SPINK4: variants seen among roughly 807,000 people sequenced by gnomAD.
SPINK4 encodes the protein serine peptidase inhibitor Kazal type 4, also known as serine protease inhibitor Kazal-type 4.
A neutral mutation model predicts 12.3 loss-of-function variants in SPINK4; 10 were observed. The observed-to-expected ratio is 0.81, with a 90% CI of 0.50 to 1.37. The LOEUF (loss-of-function observed/expected upper bound fraction) is 1.37. Among genes scored for constraint, SPINK4 ranks in the 40% most tolerant of loss-of-function variants. The pLI is 0.00. For missense variants in SPINK4, 91 were observed against 109.0 expected, an observed-to-expected ratio of 0.84 and a Z score of 0.73; for synonymous variants, 37 against 40.2, an observed-to-expected ratio of 0.92 and a Z score of 0.30.
At chr9:33,245,292 C>A (rs535371904) in intron 2 of SPINK4, 140 bp downstream of exon 2, 2 of 800,922 alleles carry the variant, frequency 2.5e-6, no homozygotes, top group Admixed American at 3.2e-5. Context: ...GGCCTCCTGG[C>A]CTGCACATTC....
At position 33,244,284 on chromosome 9, in the gene SPINK4, G is replaced by A. The variant is rs988597879; in HGVS notation, c.62-828G>A. Among the ~76,000 whole-genome samples, 8 of 152,210 alleles carry A rather than the reference G, an allele frequency of 5.3e-5. No individual in the cohort carries two copies. In the South Asian group the frequency reaches 1.2e-3, roughly 24 times the overall value. On this transcript the variant is annotated intron_variant, in intron 1 of 3. Coordinates refer to ENST00000379721, the MANE Select transcript of SPINK4 (RefSeq NM_014471.3). ...AGTCAGGCTCTGGACTGCAACAGAC[G>A]TGTGGGAAAATCCTACCTCTGCCTT...
At chr9:33,248,302 G>A (rs911282097) in intron 3 of SPINK4, 124 bp from the exon 4 acceptor site, 41 of 909,730 alleles carry the variant, frequency 4.5e-5, no homozygotes, top group Non-Finnish European at 6.9e-5. Context: ...GATCTGCCCT[G>A]TATCCATACA....
chr9:33,240,959 A>G (rs1160019535), intron 1 of SPINK4, among the ~76,000 whole-genome samples: 2 of 152,248 alleles, frequency 1.3e-5, no homozygotes, highest in Non-Finnish European at 2.9e-5. Flanking sequence ...AATGTATGTT[A>G]AACGGTATGT....
chr9:33,243,066 TTTTA>T (rs960616902), intron 1 of SPINK4, among the ~76,000 whole-genome samples: 2 of 151,340 alleles, frequency 1.3e-5, no homozygotes, highest in Non-Finnish European at 2.9e-5. Context: ...TTAAATTTAT[TTTTA>T]TTTATTTATT....
chr9:33,243,518 A>C (rs1039276401), intron 1 of SPINK4, among the ~76,000 whole-genome samples: 3 of 152,174 alleles, frequency 2.0e-5, no homozygotes, highest in Admixed American at 1.3e-4. Flanking sequence ...CTAGGATTTC[A>C]CATAAATGGA....
chr9:33,243,907 C>A (rs964966959), intron 1 of SPINK4, among the ~76,000 whole-genome samples: 2 of 152,192 alleles, frequency 1.3e-5, no homozygotes, highest in Non-Finnish European at 2.9e-5. Context: ...GGGAAACTCA[C>A]TACTTCTGGA....
intron 1 of SPINK4, among the ~76,000 whole-genome samples, chr9:33,241,187 T>C (rs1311115884): frequency 6.6e-6 from 1 of 151,520 alleles, no homozygotes; most frequent in African/African-American, 2.4e-5. Flanking sequence ...ATGCCTGGAG[T>C]GACTGAGGTA....
chr9:33,245,004 G>T, intron 1 of SPINK4, 108 bp from the exon 2 acceptor site: 1 of 1,027,322 alleles, frequency 9.7e-7, no homozygotes, highest in Non-Finnish European at 1.4e-6. Flanking sequence ...AGGAATTCCA[G>T]GTTGGGTAGT....
intron 2 of SPINK4, among the ~76,000 whole-genome samples, chr9:33,245,735 C>T (rs1198067809): frequency 1.3e-5 from 2 of 152,224 alleles, no homozygotes; most frequent in Non-Finnish European, 2.9e-5. Flanking sequence ...CATCCACAGC[C>T]TCAGCATCGT....
In SPINK4 at chr9:33,246,597, C is replaced by A. The variant is rs1405953564; in HGVS notation, c.103-19C>A. 1.2e-6 allele frequency: 2 copies of A among 1,606,052 alleles called. No homozygotes were observed. The highest frequency in any genetic ancestry group is 8.5e-7 in the Non-Finnish European group (1 of 1,173,128). On this transcript the variant is annotated intron_variant, in intron 2 of 3. Coordinates refer to ENST00000379721, the MANE Select transcript of SPINK4 (RefSeq NM_014471.3). ...TGCCTCTGAATCCCTGAGTCCTCTC[C>A]CTCCCTTCTCTTCCACAGCCCATCT...
At chr9:33,241,667 A>C (rs1402460585) in intron 1 of SPINK4, among the ~76,000 whole-genome samples, 1 of 141,788 alleles carries the variant, frequency 7.1e-6, no homozygotes. Flanking sequence ...GCTCTGAAGA[A>C]GTTTGGTTTT....
chr9:33,241,494 A>C (rs916252762), intron 1 of SPINK4, among the ~76,000 whole-genome samples: 5 of 152,088 alleles, frequency 3.3e-5, no homozygotes, highest in African/African-American at 9.7e-5. Flanking sequence ...AGGGCCACTG[A>C]CCTCATGGCC....
chr9:33,242,876 CTT>C (rs59110651), intron 1 of SPINK4, among the ~76,000 whole-genome samples: 13 of 139,206 alleles, frequency 9.3e-5, no homozygotes, highest in Admixed American at 1.4e-4. Context: ...TGCTCTGACA[CTT>C]TTTTTTTTTT....
intron 1 of SPINK4, 135 bp from the exon 2 acceptor site, chr9:33,244,977 C>A: frequency 1.3e-6 from 1 of 759,366 alleles, no homozygotes; most frequent in Non-Finnish European, 2.1e-6. Flanking sequence ...TGTCTGGTGG[C>A]TCATCACCTT....
intron 3 of SPINK4, chr9:33,248,216 A>G (rs1820305157): frequency 1.7e-6 from 1 of 575,068 alleles, no homozygotes; most frequent in South Asian, 2.2e-5. Flanking sequence ...TGGAAACCCC[A>G]GGAAGCTAAA....
intron 2 of SPINK4, 108 bp from the exon 3 acceptor site, chr9:33,246,508 C>G: frequency 2.4e-6 from 2 of 838,998 alleles, no homozygotes; most frequent in South Asian, 2.9e-5. Flanking sequence ...TGGGGGCCTT[C>G]TTGACTCTGA....
chr9:33,240,937 C>A (rs1820228421), intron 1 of SPINK4, among the ~76,000 whole-genome samples: 1 of 152,130 alleles, frequency 6.6e-6, no homozygotes, highest in South Asian at 2.1e-4. Flanking sequence ...AGGCAATAAA[C>A]AAGATGGTTA....
At chr9:33,242,902 G>T (rs1820251494) in intron 1 of SPINK4, among the ~76,000 whole-genome samples, 1 of 144,236 alleles carries the variant, frequency 6.9e-6, no homozygotes, top group African/African-American at 2.7e-5. Flanking sequence ...AAGAGACAAA[G>T]TCTCACTCTG....
At chr9:33,247,455 A>G (rs1820298140) in intron 3 of SPINK4, among the ~76,000 whole-genome samples, 1 of 152,046 alleles carries the variant, frequency 6.6e-6, no homozygotes, top group African/African-American at 2.4e-5. Context: ...GGCATGAGCC[A>G]CCGTGCCCGG....
Sources: allele counts gnomAD v4.1 joint callset (sites outside exome capture counted in the v4.1 genomes callset), GRCh38; gene constraint gnomAD v4.1.1; transcripts MANE v1.5; gene names NCBI Gene and HGNC (gene_info 2026-07-23, HGNC 2026-07-21).